Variants in PCDHGA2 observed in about 807,000 individuals in gnomAD.
PCDHGA2 encodes protocadherin gamma subfamily A, 2.
A neutral mutation model predicts 59.2 loss-of-function variants in PCDHGA2; 40 were observed. The ratio of observed to expected loss-of-function variants is 0.68; its 90% CI spans 0.52 to 0.88. The LOEUF (loss-of-function observed/expected upper bound fraction) is 0.88, where lower values mean the gene tolerates loss of function less well. PCDHGA2 is among the 40% of genes least tolerant of loss of function. PCDHGA2 has a pLI of 0.00. For synonymous variants in PCDHGA2, 560 were observed against 526.0 expected (o/e 1.06, Z -0.89); for missense variants, 1,226 against 1,204.0 (o/e 1.02, Z -0.27).
At chr5:141,383,892 A>C (rs775731680) in intron 1 of PCDHGA2, 120 of 1,613,900 alleles carry the variant, frequency 7.4e-5, no homozygotes, top group Non-Finnish European at 9.4e-5. Flanking sequence ...TGACAAAGGC[A>C]AAAGTACTGA....
At position 141,419,408 on chromosome 5, in the gene PCDHGA2, C is replaced by T. The variant is rs534591654; in HGVS notation, c.2425-75399C>T. On this transcript the variant is annotated intron_variant, in intron 1 of 3. Coordinates refer to ENST00000394576, the MANE Select transcript of PCDHGA2 (RefSeq NM_018915.4). ...CGCGCAGAGCGGGGTGGTGTTCGCG[C>T]AGCGCGCCTTCGACCACGAGCAGCT... 6.2e-6 allele frequency: 10 copies of T among 1,613,508 alleles called. No individual in the cohort carries two copies. The African/African-American group carries it at 1.3e-4, about 21-fold the overall frequency.
chr5:141,362,241 C>T (rs557427510), intron 1 of PCDHGA2: 1 of 1,614,050 alleles, frequency 6.2e-7, no homozygotes, highest in African/African-American at 1.3e-5. Context: ...TCTCAGTGCT[C>T]TTCTTCCTCG....
chr5:141,407,123 C>T (rs1271155338), intron 1 of PCDHGA2, among the ~76,000 whole-genome samples: 2 of 152,078 alleles, frequency 1.3e-5, no homozygotes, highest in East Asian at 3.8e-4. Context: ...GTTTCAGTTG[C>T]TTTATTTTTA....
chr5:141,375,960 TGC>T (rs1772099160), intron 1 of PCDHGA2: 2 of 1,613,220 alleles, frequency 1.2e-6, no homozygotes, highest in South Asian at 2.2e-5. Flanking sequence ...ACGGGCGAGG[TGC>T]GCACGGCGCG....
chr5:141,383,220 CATCCTGATGGAAGATAAAATGA>C (rs1561595268), intron 1 of PCDHGA2: 5 of 1,613,982 alleles, frequency 3.1e-6, no homozygotes, highest in Non-Finnish European at 4.2e-6. Flanking sequence ...TAAACTTTAA[CATCCTGATGGAAGATAAAATGA>C]ATCTTTACCC....
At chr5:141,380,731 T>C (rs1776694872) in intron 1 of PCDHGA2, among the ~76,000 whole-genome samples, 1 of 152,266 alleles carries the variant, frequency 6.6e-6, no homozygotes, top group Non-Finnish European at 1.5e-5. Flanking sequence ...TTATTTCCTT[T>C]TCTCCAAAGA....
Position 141,487,171 on chromosome 5 carries a change from G to C in PCDHGA2, c.2425-7636G>C. ...CTGTTACTCTCTTAGTGTCCTTAGA[G>C]GAAGACACTCATCCAGTTGTCCCAG... On this transcript the variant is annotated intron_variant, in intron 1 of 3. Transcript: ENST00000394576. The surrounding 1 kb of genome is among the most constrained non-coding windows in gnomAD (Gnocchi z 5.0). 1 of 1,612,938 alleles carries C rather than the reference G, an allele frequency of 6.2e-7. No individual in the cohort carries two copies. Among genetic ancestry groups the C allele is most frequent in the Non-Finnish European group, 8.5e-7 (1 of 1,178,910 alleles).
At chr5:141,355,282 G>T in intron 1 of PCDHGA2, 1 of 1,613,774 alleles carries the variant, frequency 6.2e-7, no homozygotes, top group East Asian at 2.2e-5. Context: ...GGAAATCAGG[G>T]CCGAACAGAT....
At chr5:141,428,455 T>C (rs898393760) in intron 1 of PCDHGA2, 61 of 361,572 alleles carry the variant, frequency 1.7e-4, no homozygotes, top group African/African-American at 1.2e-3. Context: ...TTTTCCCAAC[T>C]ACAATGAGGG....
In PCDHGA2 at chr5:141,382,780, A is replaced by G. The variant is rs1050419701; in HGVS notation, c.2424+41385A>G. On this transcript the variant is annotated intron_variant, in intron 1 of 3. Coordinates refer to ENST00000394576, the MANE Select transcript of PCDHGA2 (RefSeq NM_018915.4). ...CCCTCTTCCAGGCTGCACTAAACTC[A>G]AGCCTCTATCCTGCTGGATTCTGAG... 10 of 836,240 alleles carry G rather than the reference A, an allele frequency of 1.2e-5. No homozygotes were observed. The South Asian group carries it at 2.0e-4, about 17-fold the overall frequency. 51.8% of individuals were successfully genotyped at this position (836,240 alleles called of 1,614,324 possible). A position where few individuals can be genotyped will look rare whatever the true frequency, so the allele number is the denominator to read the frequency against.
At position 141,410,013 on chromosome 5, in the gene PCDHGA2, T is replaced by A. The variant is rs770463619; in HGVS notation, c.2424+68618T>A. On this transcript the variant is annotated intron_variant, in intron 1 of 3. Coordinates refer to ENST00000394576, the MANE Select transcript of PCDHGA2 (RefSeq NM_018915.4). ...GCCGACTCGGGACACAACGCCTGGC[T>A]GTCCTACCACGTGCTGCAGGCCAGT... 1 of 1,613,296 alleles carries A rather than the reference T, an allele frequency of 6.2e-7. No individual in the cohort carries two copies. Among genetic ancestry groups the A allele is most frequent in the East Asian group, 2.2e-5 (1 of 44,870 alleles).
rs775989253 is a variant in PCDHGA2 at position 141,491,769 on chromosome 5, G to A, written c.2425-3038G>A. On this transcript the variant is annotated intron_variant, in intron 1 of 3. Transcript: ENST00000394576. The surrounding 1 kb of genome is among the most constrained non-coding windows in gnomAD (Gnocchi z 6.9). ...CTGGAGAAGCCGCCCGTCCTCATAA[G>A]GGATTGAACTTGCATCCACTCCTCT... 6.4e-7 allele frequency: 1 copy of A among 1,562,376 alleles called. No homozygotes were observed. Among genetic ancestry groups the A allele is most frequent in the African/African-American group, 1.4e-5 (1 of 73,058 alleles).
chr5:141,419,939 G>C, intron 1 of PCDHGA2: 6 of 1,614,054 alleles, frequency 3.7e-6, no homozygotes, highest in Admixed American at 1.7e-5. Flanking sequence ...TTACCTGGTG[G>C]TGGCCTTGGC....
chr5:141,454,779 A>G (rs1387404898), intron 1 of PCDHGA2, among the ~76,000 whole-genome samples: 2 of 146,092 alleles, frequency 1.4e-5, no homozygotes, highest in African/African-American at 2.6e-5. Context: ...ACAAGGAAAT[A>G]ATCCTCCATG....
intron 1 of PCDHGA2, chr5:141,415,339 C>T (rs776585248): frequency 7.4e-6 from 12 of 1,614,190 alleles, no homozygotes; most frequent in Non-Finnish European, 1.0e-5. Context: ...CAGGCTGCGG[C>T]GCTGGCACAA....
At chr5:141,417,798 C>T in intron 1 of PCDHGA2, 2 of 1,486,472 alleles carry the variant, frequency 1.3e-6, no homozygotes, top group Non-Finnish European at 1.8e-6. Context: ...GCTCTTTTAG[C>T]GCGGTAGAGT....
chr5:141,422,842 G>A (rs756990417), intron 1 of PCDHGA2: 5 of 1,614,228 alleles, frequency 3.1e-6, no homozygotes, highest in South Asian at 1.1e-5. Flanking sequence ...ACGTGACAGC[G>A]GGGACCCGCC....
At chr5:141,367,381 C>T (rs1164352847) in intron 1 of PCDHGA2, 1 of 151,950 alleles carries the variant, frequency 6.6e-6, no homozygotes, top group Non-Finnish European at 1.5e-5. Flanking sequence ...ACTAAAAATA[C>T]AAAAAATTAG....
Position 141,428,007 on chromosome 5 carries a change from A to T in PCDHGA2, c.2425-66800A>T, listed in dbSNP as rs770851074. 9.4e-6 allele frequency: 15 copies of T among 1,602,018 alleles called. No individual in the cohort carries two copies. In the African/African-American group the frequency reaches 1.5e-4, roughly 16 times the overall value. ...GCCCGATGGCTCCGCACTCTTCGAT[A>T]TAGTGCCACGCGCCGCAGAGTCCGG... On this transcript the variant is annotated intron_variant, in intron 1 of 3. Coordinates refer to ENST00000394576, the MANE Select transcript of PCDHGA2 (RefSeq NM_018915.4).
Sources: allele counts gnomAD v4.1 joint callset (sites outside exome capture counted in the v4.1 genomes callset), GRCh38; gene constraint gnomAD v4.1.1; non-coding constraint Gnocchi (gnomAD v3.1); transcripts MANE v1.5; gene names NCBI Gene and HGNC (gene_info 2026-07-23, HGNC 2026-07-21).